Variants in ROBO2 observed in about 807,000 individuals in gnomAD.
ROBO2 encodes roundabout guidance receptor 2.
In ROBO2, 53 loss-of-function variants were observed where a neutral mutation model predicts 160.8. The observed-to-expected ratio is 0.33, with a 90% CI of 0.26 to 0.41. ROBO2 has a LOEUF of 0.41. Ranked by LOEUF, ROBO2 falls within the 10% of genes least tolerant of loss-of-function variation. The probability of loss-of-function intolerance (pLI) is 1.00; values close to 1 mark genes in which losing one functional copy is unlikely to be tolerated. For synonymous variants in ROBO2, 664 were observed against 611.7 expected (o/e 1.09, Z -1.26); for missense variants, 1,577 against 1,722.4 (o/e 0.92, Z 1.49).
At chr3:76,431,246 T>A (rs113605939) in intron 2 of ROBO2, among the ~76,000 whole-genome samples, 2 of 136,992 alleles carry the variant, frequency 1.5e-5, no homozygotes, top group African/African-American at 6.9e-5. Context: ...GCAAAAAAAA[T>A]CAAAGTTAAT....
chr3:75,955,739 G>A (rs1188689826), intron 2 of ROBO2, among the ~76,000 whole-genome samples: 8 of 151,566 alleles, frequency 5.3e-5, no homozygotes, highest in South Asian at 2.1e-4. Flanking sequence ...TCCATTTGCT[G>A]GCAATTCAAA....
intron 2 of ROBO2, among the ~76,000 whole-genome samples, chr3:76,666,159 ATAAC>A (rs1322038601): frequency 6.6e-6 from 1 of 151,414 alleles, no homozygotes; most frequent in East Asian, 1.9e-4. Flanking sequence ...AGGAAAATGA[ATAAC>A]TATTACGATT....
At chr3:76,549,717 C>T (rs904591464) in intron 2 of ROBO2, among the ~76,000 whole-genome samples, 1 of 152,128 alleles carries the variant, frequency 6.6e-6, no homozygotes, top group Non-Finnish European at 1.5e-5. Context: ...AAGCACCCTA[C>T]TTCATTTTAA....
At chr3:77,633,762 G>A (rs764530908) in intron 23 of ROBO2, 5 of 152,106 alleles carry the variant, frequency 3.3e-5, no homozygotes, top group African/African-American at 4.8e-5. Flanking sequence ...ACTAAAATAC[G>A]TTGTAATAGA....
At chr3:76,597,053 C>T (rs2086779351) in intron 2 of ROBO2, among the ~76,000 whole-genome samples, 1 of 152,074 alleles carries the variant, frequency 6.6e-6, no homozygotes, top group Admixed American at 6.6e-5. Context: ...TGGACATCCA[C>T]AGTAAAATTT....
intron 2 of ROBO2, among the ~76,000 whole-genome samples, chr3:77,138,987 G>T (rs76962910): frequency 2.0e-5 from 3 of 151,978 alleles, no homozygotes; most frequent in African/African-American, 7.3e-5. Flanking sequence ...CTTAGCAACC[G>T]CGCTGTTTTT....
At chr3:76,867,755 A>C (rs541303160) in intron 2 of ROBO2, among the ~76,000 whole-genome samples, 1 of 152,296 alleles carries the variant, frequency 6.6e-6, no homozygotes, top group South Asian at 2.1e-4. Flanking sequence ...AAACCATTGC[A>C]TTTTGTTGGG....
At chr3:76,792,950 T>G (rs2063462732) in intron 2 of ROBO2, among the ~76,000 whole-genome samples, 1 of 151,830 alleles carries the variant, frequency 6.6e-6, no homozygotes, top group Admixed American at 6.6e-5. Flanking sequence ...ACTGTTTAAA[T>G]TTTCTTAAAT....
At chr3:76,727,826 C>T (rs898568703) in intron 2 of ROBO2, among the ~76,000 whole-genome samples, 6 of 151,966 alleles carry the variant, frequency 3.9e-5, no homozygotes, top group Non-Finnish European at 7.4e-5. Flanking sequence ...AAAAAGTTCT[C>T]GTGTTCGATG....
rs563959085 is a variant in ROBO2, at chr3:77,528,668, T to C, written c.934+5766T>C. Among the ~76,000 whole-genome samples the C allele has an allele frequency of 5.9e-5, 9 of 151,738 alleles. No homozygotes were observed. In the South Asian group the frequency reaches 1.0e-3, roughly 17 times the overall value. Reference sequence around the variant, plus strand: ...TTGCAGGAGGGGACTGAGTTTAAGATTGATTTTATATGTGAAAGGCATTCT... The same window carrying C: ...TTGCAGGAGGGGACTGAGTTTAAGACTGATTTTATATGTGAAAGGCATTCT... On this transcript the variant is annotated intron_variant, in intron 6 of 25. Coordinates refer to ENST00000461745, the Ensembl canonical transcript of ROBO2.
intron 2 of ROBO2, among the ~76,000 whole-genome samples, chr3:76,756,328 G>T (rs1055870897): frequency 2.0e-5 from 3 of 151,826 alleles, no homozygotes; most frequent in African/African-American, 7.2e-5. Context: ...TTTACAGGAG[G>T]TGAAATGTAG....
chr3:76,696,723 C>T (rs2092935913), intron 2 of ROBO2, among the ~76,000 whole-genome samples: 1 of 152,190 alleles, frequency 6.6e-6, no homozygotes, highest in Admixed American at 6.5e-5. Flanking sequence ...TTAAAGTCAA[C>T]ATTGCCTACT....
At chr3:77,082,081 C>T (rs2068725268) in intron 1 of ROBO2, among the ~76,000 whole-genome samples, 1 of 151,982 alleles carries the variant, frequency 6.6e-6, no homozygotes, top group South Asian at 2.1e-4. Context: ...ATAACTTGGT[C>T]ATAATAAGAG....
At chr3:76,109,814 C>T (rs1396400244) in intron 2 of ROBO2, among the ~76,000 whole-genome samples, 2 of 151,792 alleles carry the variant, frequency 1.3e-5, no homozygotes, top group African/African-American at 4.8e-5. Flanking sequence ...TCCCTCATCC[C>T]TCTCCCACCC....
chr3:76,018,608 A>T (rs528308691), intron 2 of ROBO2, among the ~76,000 whole-genome samples: 1 of 151,850 alleles, frequency 6.6e-6, no homozygotes, highest in Admixed American at 6.6e-5. Context: ...AAATTTTTCA[A>T]AAAAAATTGT....
At chr3:77,013,784 A>G (rs944922550) in intron 2 of ROBO2, among the ~76,000 whole-genome samples, 1 of 152,226 alleles carries the variant, frequency 6.6e-6, no homozygotes, top group Non-Finnish European at 1.5e-5. Context: ...TATAAATGCT[A>G]GATTTATTCT....
At chr3:76,090,520 C>T (rs530829718) in intron 2 of ROBO2, among the ~76,000 whole-genome samples, 1 of 152,244 alleles carries the variant, frequency 6.6e-6, no homozygotes, top group South Asian at 2.1e-4. Flanking sequence ...TATCAGTTCT[C>T]CCAAAGTTGA....
chr3:76,832,760 G>A lies in ROBO2; in HGVS notation c.110-265254G>A, dbSNP rs80298002. On this transcript the variant is annotated intron_variant, in intron 2 of 26. Transcript: ENST00000487694. ...GAGAGAAGTAAGTGACAAAGAACAG[G>A]GAAGATGGCCTCTTTGCAGAAATAA... Among the ~76,000 whole-genome samples, 1,141 of 152,234 alleles carry A rather than the reference G, an allele frequency of 7.5e-3. 48 individuals are homozygous for A. In the East Asian group the frequency reaches 0.12, roughly 16 times the overall value.
At chr3:75,955,568 G>A (rs1948691911) in intron 2 of ROBO2, among the ~76,000 whole-genome samples, 1 of 151,450 alleles carries the variant, frequency 6.6e-6, no homozygotes, top group African/African-American at 2.4e-5. Context: ...CACCAACATG[G>A]CACATGTATA....
Sources: allele counts gnomAD v4.1 joint callset (sites outside exome capture counted in the v4.1 genomes callset), GRCh38; gene constraint gnomAD v4.1.1; transcripts MANE v1.5; gene names NCBI Gene and HGNC (gene_info 2026-07-23, HGNC 2026-07-21).